DAB1: variants seen among roughly 807,000 people sequenced by gnomAD.
DAB1 encodes DAB adaptor protein 1, also known as disabled homolog 1.
A neutral mutation model predicts 64.6 loss-of-function variants in DAB1; 15 were observed. That is an observed-to-expected ratio of 0.23 (90% CI 0.16 to 0.36). The LOEUF (loss-of-function observed/expected upper bound fraction) is 0.36, where lower values mean the gene tolerates loss of function less well. Ranked by LOEUF, DAB1 falls within the 10% of genes least tolerant of loss-of-function variation. The probability of loss-of-function intolerance (pLI) is 1.00; values close to 1 mark genes in which losing one functional copy is unlikely to be tolerated. For synonymous variants in DAB1, 235 were observed against 251.9 expected (o/e 0.93, Z 0.64); for missense variants, 596 against 706.7 (o/e 0.84, Z 1.78).
At chr1:57,787,575 AG>A (rs1006585286) in intron 6 of DAB1, among the ~76,000 whole-genome samples, 10 of 152,124 alleles carry the variant, frequency 6.6e-5, no homozygotes, top group African/African-American at 2.2e-4. Flanking sequence ...AAAGAAACAT[AG>A]GAAAAAAAGT....
chr1:57,657,720 G>A (rs192250732), intron 6 of DAB1, among the ~76,000 whole-genome samples: 8 of 152,258 alleles, frequency 5.3e-5, no homozygotes, highest in African/African-American at 1.7e-4. Context: ...AAAAGAATAC[G>A]TTCATGTGTG....
chr1:57,769,359 C>T (rs1415207023), intron 6 of DAB1, among the ~76,000 whole-genome samples: 1 of 152,144 alleles, frequency 6.6e-6, no homozygotes, highest in Non-Finnish European at 1.5e-5. Context: ...TTTCCTGGGT[C>T]TTGTGAGGAT....
intron 3 of DAB1, among the ~76,000 whole-genome samples, chr1:58,439,700 G>T (rs2100263584): frequency 6.6e-6 from 1 of 152,260 alleles, no homozygotes; most frequent in African/African-American, 2.4e-5. Context: ...ATTTGTCCAG[G>T]ACCACACAGC....
intron 2 of DAB1, among the ~76,000 whole-genome samples, chr1:57,148,936 A>G (rs1273386381): frequency 6.6e-6 from 1 of 152,148 alleles, no homozygotes; most frequent in Non-Finnish European, 1.5e-5. Context: ...AACCATCACC[A>G]CTATCTAATT....
At chr1:57,728,221 CA>C (rs1230595572) in intron 6 of DAB1, among the ~76,000 whole-genome samples, 1 of 152,138 alleles carries the variant, frequency 6.6e-6, no homozygotes, top group Non-Finnish European at 1.5e-5. Flanking sequence ...GCATTAAAAC[CA>C]AAGTCTGTTC....
intron 2 of DAB1, among the ~76,000 whole-genome samples, chr1:57,199,555 C>T (rs1048145728): frequency 1.6e-4 from 25 of 152,326 alleles, no homozygotes; most frequent in East Asian, 3.9e-4. Context: ...GGGCTATGCA[C>T]GGGTCATTTC....
intron 7 of DAB1, among the ~76,000 whole-genome samples, chr1:57,471,784 T>A (rs1394867923): frequency 6.6e-6 from 1 of 152,224 alleles, no homozygotes; most frequent in Non-Finnish European, 1.5e-5. Context: ...TCTTTATCAA[T>A]AGCATGAAAA....
rs1041833108 is a variant in DAB1, at chr1:57,542,250, G to A, written n.625+107342C>T. On this transcript the variant is annotated intron_variant and non_coding_transcript_variant, in intron 7 of 20. Transcript: ENST00000485760. ...ACCACTCAGTACACAGCCAGAACCA[G>A]GGCTTAAATCCAAGTTAAACCCAAA... is the stretch of plus-strand genomic sequence containing the variant. 5.9e-5 allele frequency among the ~76,000 whole-genome samples: 9 copies of A among 151,920 alleles called. 1 individual carries two copies. Among genetic ancestry groups the A allele is most frequent in the Admixed American group, 2.6e-4 (4 of 15,246 alleles).
intron 6 of DAB1, among the ~76,000 whole-genome samples, chr1:57,722,257 A>C (rs1647160495): frequency 6.6e-6 from 1 of 152,226 alleles, no homozygotes; most frequent in African/African-American, 2.4e-5. Context: ...GTTCTGCTGA[A>C]CTTAGTGCTA....
At chr1:57,537,250 G>T (rs1570606381) in intron 7 of DAB1, among the ~76,000 whole-genome samples, 1 of 152,122 alleles carries the variant, frequency 6.6e-6, no homozygotes, top group Non-Finnish European at 1.5e-5. Context: ...TCCCAAACCT[G>T]CCTGGTCATG....
intron 7 of DAB1, among the ~76,000 whole-genome samples, chr1:57,558,593 A>C (rs1645016640): frequency 6.6e-6 from 1 of 152,222 alleles, no homozygotes; most frequent in African/African-American, 2.4e-5. Context: ...ATAGATATTA[A>C]GGGTGTGGGA....
intron 4 of DAB1, among the ~76,000 whole-genome samples, chr1:58,292,329 A>G (rs143978356): frequency 2.0e-5 from 3 of 152,320 alleles, no homozygotes; most frequent in Non-Finnish European, 4.4e-5. Flanking sequence ...AAAATCAGAA[A>G]GAGACAGTTA....
At chr1:58,234,544 A>C (rs1391600890) in intron 4 of DAB1, among the ~76,000 whole-genome samples, 1 of 152,204 alleles carries the variant, frequency 6.6e-6, no homozygotes, top group African/African-American at 2.4e-5. Context: ...GCAGCGTGGA[A>C]GGAGTGGGCC....
At chr1:57,508,653 A>G (rs1207364921) in intron 7 of DAB1, among the ~76,000 whole-genome samples, 2 of 152,202 alleles carry the variant, frequency 1.3e-5, no homozygotes. Flanking sequence ...CTGGGTTCCA[A>G]TAAAACTTTA....
At chr1:58,079,267 C>A (rs890088835) in intron 5 of DAB1, among the ~76,000 whole-genome samples, 7 of 152,156 alleles carry the variant, frequency 4.6e-5, no homozygotes, top group African/African-American at 1.7e-4. Context: ...GAACCCCTCC[C>A]AGACCATCCT....
intron 5 of DAB1, among the ~76,000 whole-genome samples, chr1:58,006,330 T>C (rs949014862): frequency 2.0e-5 from 3 of 152,192 alleles, no homozygotes; most frequent in Non-Finnish European, 4.4e-5. Flanking sequence ...CAGAAGGGAA[T>C]AGAATCATTA....
chr1:57,183,095 A>G (rs1193772809), intron 2 of DAB1, among the ~76,000 whole-genome samples: 1 of 152,042 alleles, frequency 6.6e-6, no homozygotes, highest in Non-Finnish European at 1.5e-5. Flanking sequence ...GGGGTATTTA[A>G]CCTGAGATGA....
At chr1:57,370,611 C>G (rs1007441815) in intron 1 of DAB1, among the ~76,000 whole-genome samples, 3 of 107,278 alleles carry the variant, frequency 2.8e-5, no homozygotes, top group African/African-American at 1.1e-4. Flanking sequence ...AAAAGACAAA[C>G]AGAGAAAAAA....
intron 5 of DAB1, among the ~76,000 whole-genome samples, chr1:57,960,287 T>C (rs1645487055): frequency 6.6e-6 from 1 of 152,202 alleles, no homozygotes; most frequent in Admixed American, 6.5e-5. Context: ...CAAATTACTA[T>C]GTTTCACTGT....
Sources: allele counts gnomAD v4.1 joint callset (sites outside exome capture counted in the v4.1 genomes callset), GRCh38; gene constraint gnomAD v4.1.1; transcripts MANE v1.5; gene names NCBI Gene and HGNC (gene_info 2026-07-23, HGNC 2026-07-21).